The following SMURF1 variants were observed in gnomAD, a reference collection of about 807,000 sequenced individuals.
The protein encoded by SMURF1 is SMAD specific E3 ubiquitin protein ligase 1.
Under a neutral mutation model 98.0 loss-of-function variants are expected in SMURF1, and 44 were observed. The ratio of observed to expected loss-of-function variants is 0.45; its 90% CI spans 0.35 to 0.58. SMURF1 has a LOEUF of 0.58. Among genes scored for constraint, SMURF1 ranks in the 20% least tolerant of loss-of-function variants. SMURF1 has a pLI of 0.00. For missense variants in SMURF1, 687 were observed against 938.4 expected (o/e 0.73, Z 3.50); for synonymous variants, 396 against 374.9 (o/e 1.06, Z -0.65).
intron 1 of SMURF1, among the ~76,000 whole-genome samples, chr7:99,121,749 A>T (rs1266727468): frequency 6.6e-6 from 1 of 152,138 alleles, no homozygotes; most frequent in Non-Finnish European, 1.5e-5. Context: ...TTAAATTTTC[A>T]CTAAAACCTC....
At chr7:99,093,983 G>C (rs867220624) in intron 1 of SMURF1, among the ~76,000 whole-genome samples, 3 of 152,008 alleles carry the variant, frequency 2.0e-5, no homozygotes, top group African/African-American at 7.2e-5. Context: ...TGAAATTTAC[G>C]CACAAGATTA....
intron 8 of SMURF1, chr7:99,050,313 T>G (rs894377762): frequency 6.5e-6 from 1 of 152,744 alleles, no homozygotes; most frequent in African/African-American, 2.4e-5. Flanking sequence ...TAGTAGGAAG[T>G]ATCTTAGTGC....
At chr7:99,093,701 C>T (rs1188503614) in intron 1 of SMURF1, among the ~76,000 whole-genome samples, 3 of 151,898 alleles carry the variant, frequency 2.0e-5, no homozygotes, top group Non-Finnish European at 4.4e-5. Flanking sequence ...AAGACACTTT[C>T]CTTATTTAGA....
chr7:99,087,957 T>C (rs758624861), intron 1 of SMURF1, among the ~76,000 whole-genome samples: 7 of 146,992 alleles, frequency 4.8e-5, no homozygotes, highest in Non-Finnish European at 7.5e-5. Flanking sequence ...AAAATTTCTT[T>C]AAAAAAAAAA....
At chr7:99,032,740 G>A (rs1407017908) in intron 17 of SMURF1, among the ~76,000 whole-genome samples, 1 of 152,192 alleles carries the variant, frequency 6.6e-6, no homozygotes, top group Admixed American at 6.5e-5. Context: ...AAAGATGTAT[G>A]TTAAGTTTAG....
intron 1 of SMURF1, among the ~76,000 whole-genome samples, chr7:99,074,343 A>T (rs923211339): frequency 6.6e-6 from 1 of 152,232 alleles, no homozygotes; most frequent in African/African-American, 2.4e-5. Flanking sequence ...AATCATAAAC[A>T]TCAATAGACA....
intron 1 of SMURF1, among the ~76,000 whole-genome samples, chr7:99,128,482 A>T (rs1797793136): frequency 6.6e-6 from 1 of 152,240 alleles, no homozygotes; most frequent in African/African-American, 2.4e-5. Context: ...TGGCATTCTC[A>T]CAAGGCTATA....
At chr7:99,037,994 G>A (rs1297763734) in intron 14 of SMURF1, among the ~76,000 whole-genome samples, 5 of 152,274 alleles carry the variant, frequency 3.3e-5, no homozygotes, top group African/African-American at 4.8e-5. Context: ...TAGGCCGCAA[G>A]TGCCTAGGCC....
rs562279073 is a variant in SMURF1, at chr7:99,111,843, G to C, written c.55+31883C>G. On this transcript the variant is annotated intron_variant, in intron 1 of 17. Transcript: ENST00000361368. ...GATTTGACCTGTCTAGTGGCTCCCT[G>C]AAGAACTGGCTCAAAGGATATGCCT... Among the ~76,000 whole-genome samples, 4 of 152,308 alleles carry C rather than the reference G, an allele frequency of 2.6e-5. No individual in the cohort carries two copies. In the South Asian group the frequency reaches 8.3e-4, roughly 32 times the overall value.
intron 1 of SMURF1, among the ~76,000 whole-genome samples, chr7:99,114,961 A>T (rs1215313761): frequency 6.6e-6 from 1 of 152,122 alleles, no homozygotes; most frequent in Admixed American, 6.5e-5. Context: ...AAAATACAAC[A>T]TATCAAAATG....
At chr7:99,070,835 T>G (rs913170177) in intron 1 of SMURF1, among the ~76,000 whole-genome samples, 1 of 152,108 alleles carries the variant, frequency 6.6e-6, no homozygotes, top group Non-Finnish European at 1.5e-5. Flanking sequence ...AACAACTGTT[T>G]TGCAAGCGCC....
intron 1 of SMURF1, among the ~76,000 whole-genome samples, chr7:99,139,080 T>G (rs1798056679): frequency 6.6e-6 from 1 of 152,246 alleles, no homozygotes; most frequent in South Asian, 2.1e-4. Flanking sequence ...GGTTCTTAGC[T>G]GGTACAAATT....
intron 1 of SMURF1, among the ~76,000 whole-genome samples, chr7:99,112,915 A>T (rs778263832): frequency 2.0e-5 from 3 of 152,144 alleles, no homozygotes; most frequent in African/African-American, 7.2e-5. Context: ...TTGAACAGGT[A>T]AAAAATGAAG....
intron 9 of SMURF1, chr7:99,048,379 ACTCT>A (rs764794359): frequency 6.3e-6 from 1 of 159,936 alleles, no homozygotes; most frequent in Non-Finnish European, 1.4e-5. Flanking sequence ...ACAGAGCCAG[ACTCT>A]CTCTCTCAAA....
intron 12 of SMURF1, among the ~76,000 whole-genome samples, chr7:99,041,380 G>C (rs1456320850): frequency 6.6e-6 from 1 of 151,964 alleles, no homozygotes; most frequent in African/African-American, 2.4e-5. Flanking sequence ...CCAGCCTGGG[G>C]GACACAGCGA....
At chr7:99,120,732 G>A (rs1797593340) in intron 1 of SMURF1, 1 of 149,118 alleles carries the variant, frequency 6.7e-6, no homozygotes, top group African/African-American at 2.5e-5. Flanking sequence ...TCTAAATTTA[G>A]ATTAAAGTCT....
intron 11 of SMURF1, among the ~76,000 whole-genome samples, chr7:99,043,017 T>C (rs904541277): frequency 4.6e-5 from 7 of 152,224 alleles, no homozygotes; most frequent in Non-Finnish European, 8.8e-5. Flanking sequence ...ATAAAGTCTC[T>C]TTTTACTACA....
chr7:99,103,099 G>A (rs774569166), intron 1 of SMURF1, among the ~76,000 whole-genome samples: 1 of 152,054 alleles, frequency 6.6e-6, no homozygotes, highest in Admixed American at 6.5e-5. Flanking sequence ...CACCACACCC[G>A]GTTACAATCA....
chr7:99,033,787 C>G (rs1242210086), intron 16 of SMURF1, among the ~76,000 whole-genome samples: 1 of 152,226 alleles, frequency 6.6e-6, no homozygotes, highest in Non-Finnish European at 1.5e-5. Flanking sequence ...GGAGAGGCAC[C>G]AGGCCCCTTC....
Sources: allele counts gnomAD v4.1 joint callset (sites outside exome capture counted in the v4.1 genomes callset), GRCh38; gene constraint gnomAD v4.1.1; transcripts MANE v1.5; gene names NCBI Gene and HGNC (gene_info 2026-07-23, HGNC 2026-07-21).